DCAF6: variants seen among roughly 807,000 people sequenced by gnomAD.
DCAF6 encodes the protein DDB1- and CUL4-associated factor 6.
DCAF6 carries 54 observed loss-of-function variants against 125.1 expected under a neutral mutation model. That is an observed-to-expected ratio of 0.43 (90% CI 0.35 to 0.54). The LOEUF (loss-of-function observed/expected upper bound fraction) is 0.54. DCAF6 is among the 20% of genes least tolerant of loss of function. The pLI is 0.01. For missense variants in DCAF6, 934 were observed against 1,161.7 expected, an observed-to-expected ratio of 0.80 and a Z score of 2.85; for synonymous variants, 371 against 390.4, an observed-to-expected ratio of 0.95 and a Z score of 0.58.
At chr1:167,882,513 C>G in the DCAF6 span, among the ~76,000 whole-genome samples, 210 of 145,458 alleles carry the variant, frequency 1.4e-3, no homozygotes, top group Middle Eastern at 3.7e-3. Flanking sequence ...AAGAACAGAG[C>G]GAAAACACCT....
At chr1:167,888,803 G>A in the DCAF6 span, among the ~76,000 whole-genome samples, 1 of 150,060 alleles carries the variant, frequency 6.7e-6, no homozygotes, top group South Asian at 2.1e-4. Flanking sequence ...GTGAACCCGG[G>A]AGGCGGAGCG....
intron 12 of DCAF6, among the ~76,000 whole-genome samples, chr1:168,034,530 G>A (rs915530605): frequency 6.6e-6 from 1 of 152,108 alleles, no homozygotes; most frequent in Non-Finnish European, 1.5e-5. Context: ...GAGTGGGGGA[G>A]GAAAAGTCCG....
intron 1 of DCAF6, among the ~76,000 whole-genome samples, chr1:167,951,077 A>G (rs61807026): frequency 0.15 from 22,408 of 152,208 alleles, 1,995 homozygotes; most frequent in South Asian, 0.25. Context: ...GCATAGCACT[A>G]TACTAACTTA....
chr1:167,967,418 TC>T (rs1046267889), intron 3 of DCAF6, among the ~76,000 whole-genome samples: 8 of 152,200 alleles, frequency 5.3e-5, no homozygotes, highest in African/African-American at 1.9e-4. Flanking sequence ...ACAGAATGTT[TC>T]CTTTACAAGG....
chr1:168,049,645 AAT>A (rs1689626932), intron 16 of DCAF6, among the ~76,000 whole-genome samples: 1 of 122,902 alleles, frequency 8.1e-6, no homozygotes, highest in Admixed American at 8.0e-5. Context: ...ATCTGCATAT[AAT>A]TTTTTTTTTT....
chr1:167,925,451 A>G, the DCAF6 span, among the ~76,000 whole-genome samples: 5 of 109,478 alleles, frequency 4.6e-5, no homozygotes, highest in African/African-American at 1.9e-4. Context: ...ACATATATAT[A>G]TATATATATA....
the DCAF6 span, among the ~76,000 whole-genome samples, chr1:167,891,966 TTTTTC>T: frequency 6.6e-6 from 1 of 151,038 alleles, no homozygotes; most frequent in Non-Finnish European, 1.5e-5. Flanking sequence ...TGTGCTAATT[TTTTTC>T]TTTTCTTTTT....
chr1:167,977,047 G>A (rs1678346510), intron 4 of DCAF6, among the ~76,000 whole-genome samples: 1 of 151,126 alleles, frequency 6.6e-6, no homozygotes, highest in East Asian at 1.9e-4. Context: ...GATTATAGGT[G>A]CATACCACCA....
At chr1:168,054,824 T>G (rs1178689895) in intron 17 of DCAF6, among the ~76,000 whole-genome samples, 1 of 151,070 alleles carries the variant, frequency 6.6e-6, no homozygotes, top group East Asian at 1.9e-4. Context: ...GTTTGGTTTT[T>G]TTTTTTTTTT....
intron 5 of DCAF6, among the ~76,000 whole-genome samples, chr1:167,988,062 A>C (rs2102989181): frequency 6.6e-6 from 1 of 152,300 alleles, no homozygotes; most frequent in South Asian, 2.1e-4. Flanking sequence ...AAGAAATAAT[A>C]AGATAGCATG....
the DCAF6 span, among the ~76,000 whole-genome samples, chr1:167,915,542 C>T: frequency 2.0e-5 from 3 of 152,172 alleles, no homozygotes; most frequent in African/African-American, 7.2e-5. Flanking sequence ...CCTCCACCTC[C>T]CTGGTTCAAG....
At chr1:167,983,910 G>A (rs1379867066) in intron 4 of DCAF6, among the ~76,000 whole-genome samples, 1 of 152,122 alleles carries the variant, frequency 6.6e-6, no homozygotes, top group African/African-American at 2.4e-5. Context: ...GGAACTTAAG[G>A]ACAGATTAAA....
chr1:167,971,908 T>C (rs994123975), intron 3 of DCAF6, among the ~76,000 whole-genome samples: 13 of 152,288 alleles, frequency 8.5e-5, no homozygotes, highest in African/African-American at 3.1e-4. Context: ...CAGGCTGCAG[T>C]GCAGTGGCGT....
the DCAF6 span, among the ~76,000 whole-genome samples, chr1:167,930,619 T>A: frequency 6.6e-6 from 1 of 152,192 alleles, no homozygotes; most frequent in South Asian, 2.1e-4. Flanking sequence ...CCAAGCTCCC[T>A]CATTTTTATA....
At chr1:167,897,984 A>C in the DCAF6 span, among the ~76,000 whole-genome samples, 163 of 7,256 alleles carry the variant, frequency 0.022, 27 homozygotes, top group Non-Finnish European at 0.057. Context: ...GGCGACAGAG[A>C]GAGACTCTGT....
intron 7 of DCAF6, among the ~76,000 whole-genome samples, chr1:167,994,411 C>G (rs969579011): frequency 6.6e-6 from 1 of 152,122 alleles, no homozygotes; most frequent in Admixed American, 6.5e-5. Flanking sequence ...AGAAGTTTTA[C>G]GTATTACCAT....
At chr1:167,986,558 G>A (rs766921793) in intron 4 of DCAF6, among the ~76,000 whole-genome samples, 2 of 152,222 alleles carry the variant, frequency 1.3e-5, no homozygotes, top group South Asian at 2.1e-4. Flanking sequence ...TTTCCATGGA[G>A]TGGGGATGGT....
At chr1:168,067,456 A>T (rs903552621) in intron 20 of DCAF6, among the ~76,000 whole-genome samples, 4 of 152,150 alleles carry the variant, frequency 2.6e-5, no homozygotes, top group African/African-American at 9.7e-5. Flanking sequence ...AGGTCTTCAC[A>T]GAAGAAATAA....
At chr1:167,975,066 G>T (rs1421580143) in intron 4 of DCAF6, 51 bp downstream of exon 4, 17 of 1,255,228 alleles carry the variant, frequency 1.4e-5, no homozygotes, top group East Asian at 2.7e-5. Flanking sequence ...GTATATTTTT[G>T]ATTAAGTACA....
Sources: allele counts gnomAD v4.1 joint callset (sites outside exome capture counted in the v4.1 genomes callset), GRCh38; gene constraint gnomAD v4.1.1; transcripts MANE v1.5; gene names NCBI Gene and HGNC (gene_info 2026-07-23, HGNC 2026-07-21).